The following FSTL4 variants were observed in gnomAD, a reference collection of about 807,000 sequenced individuals.
The protein encoded by FSTL4 is follistatin-related protein 4.
Under a neutral mutation model 78.2 loss-of-function variants are expected in FSTL4, and 28 were observed. That is an observed-to-expected ratio of 0.36 (90% CI 0.27 to 0.49). The LOEUF is 0.49. Among genes scored for constraint, FSTL4 ranks in the 20% least tolerant of loss-of-function variants. FSTL4 has a pLI of 0.98. For synonymous variants in FSTL4, 422 were observed against 440.5 expected (o/e 0.96, Z 0.53); for missense variants, 922 against 1,084.9 (o/e 0.85, Z 2.11).
chr5:133,440,730 C>CCTAG lies in FSTL4; in HGVS notation c.161-39748_161-39745dup, dbSNP rs1375143717. Among the ~76,000 whole-genome samples, 1 of 152,174 alleles carries CCTAG rather than the reference C, an allele frequency of 6.6e-6. No individual in the cohort carries two copies. The highest frequency in any genetic ancestry group is 6.5e-5 in the Admixed American group (1 of 15,288). On this transcript the variant is annotated intron_variant, in intron 3 of 15. Coordinates refer to ENST00000265342, the MANE Select transcript of FSTL4 (RefSeq NM_015082.2). This position sits in a 1 kb window ranked among gnomAD's most constrained non-coding sequence, Gnocchi z 4.1. ...AGAAGACAGTGGAGACTGCAAGAGG[C>CCTAG]CTAGCCCAGACACAGCGTGGAAGAC...
chr5:133,695,524 T>C, the FSTL4 span, among the ~76,000 whole-genome samples: 3 of 152,106 alleles, frequency 2.0e-5, no homozygotes, highest in African/African-American at 7.2e-5. Context: ...AGCAGTCCCC[T>C]CCCCAAGGAC....
Position 133,331,930 on chromosome 5 carries a change from G to A in FSTL4, c.410-15278C>T, listed in dbSNP as rs116522189. ...TCAAAATGTGGGCAGCCCGTGGAGGGAGCTGCAGAAACCCTCATTTCTGTG... is the reference window on the plus strand; with the variant it reads ...TCAAAATGTGGGCAGCCCGTGGAGGAAGCTGCAGAAACCCTCATTTCTGTG... On this transcript the variant is annotated intron_variant, in intron 4 of 15. Coordinates refer to ENST00000265342, the MANE Select transcript of FSTL4 (RefSeq NM_015082.2). Among the ~76,000 whole-genome samples the A allele has an allele frequency of 6.3e-3, 954 of 152,298 alleles. 10 individuals are homozygous for A. Among genetic ancestry groups the A allele is most frequent in the African/African-American group, 0.022 (905 of 41,570 alleles).
At chr5:133,367,956 C>A (rs989478909) in intron 4 of FSTL4, among the ~76,000 whole-genome samples, 1 of 152,246 alleles carries the variant, frequency 6.6e-6, no homozygotes, top group Non-Finnish European at 1.5e-5. Flanking sequence ...ATCCAACAGG[C>A]AGGATCAAGA....
At chr5:133,578,087 G>A (rs1230243356) in intron 2 of FSTL4, among the ~76,000 whole-genome samples, 1 of 152,182 alleles carries the variant, frequency 6.6e-6, no homozygotes, top group African/African-American at 2.4e-5. Flanking sequence ...AAGCCAGAGA[G>A]TTTAAAGGGA....
At chr5:133,736,663 G>A in the FSTL4 span, among the ~76,000 whole-genome samples, 1 of 152,148 alleles carries the variant, frequency 6.6e-6, no homozygotes, top group Non-Finnish European at 1.5e-5. Flanking sequence ...GGAGAGAGAA[G>A]TGAGGGAGCA....
At chr5:133,204,401 TTGCAAATACAAACAA>T (rs1273731483) in intron 14 of FSTL4, among the ~76,000 whole-genome samples, 2 of 152,224 alleles carry the variant, frequency 1.3e-5, no homozygotes, top group Non-Finnish European at 2.9e-5. Context: ...TTTTAATCTC[TTGCAAATACAAACAA>T]TGCAGTAACA....
chr5:133,447,776 G>A (rs976945570), intron 3 of FSTL4, among the ~76,000 whole-genome samples: 18 of 152,212 alleles, frequency 1.2e-4, no homozygotes, highest in African/African-American at 4.1e-4. Context: ...CTGACCTCAA[G>A]TGATCTGTCT....
At chr5:133,756,145 T>A in the FSTL4 span, among the ~76,000 whole-genome samples, 1 of 151,270 alleles carries the variant, frequency 6.6e-6, no homozygotes, top group Non-Finnish European at 1.5e-5. Flanking sequence ...GAGAAAGTGG[T>A]GTTTGGGAGG....
intron 6 of FSTL4, among the ~76,000 whole-genome samples, chr5:133,286,076 G>A (rs926052977): frequency 6.6e-6 from 1 of 152,214 alleles, no homozygotes; most frequent in Non-Finnish European, 1.5e-5. Context: ...GTGTGTGTGT[G>A]ACATGGTCAC....
chr5:133,328,277 A>C lies in FSTL4; in HGVS notation c.410-11625T>G, dbSNP rs571370038. Among the ~76,000 whole-genome samples the C allele has an allele frequency of 1.4e-4, 22 of 152,348 alleles. No individual in the cohort carries two copies. In the South Asian group the frequency reaches 4.6e-3, roughly 32 times the overall value. ...TCATCTCAATTTGCACCCCAGCATCAGGTCATTTAAATTAACAAAACCACC... is the reference window on the plus strand; with the variant it reads ...TCATCTCAATTTGCACCCCAGCATCCGGTCATTTAAATTAACAAAACCACC... On this transcript the variant is annotated intron_variant, in intron 4 of 15. Coordinates refer to ENST00000265342, the MANE Select transcript of FSTL4 (RefSeq NM_015082.2).
chr5:133,837,509 T>C, the FSTL4 span, among the ~76,000 whole-genome samples: 2 of 152,362 alleles, frequency 1.3e-5, no homozygotes, highest in South Asian at 4.1e-4. Flanking sequence ...TTCTGGATGA[T>C]GTGGCCTCAT....
At chr5:133,671,571 C>T in the FSTL4 span, among the ~76,000 whole-genome samples, 1 of 152,196 alleles carries the variant, frequency 6.6e-6, no homozygotes, top group Non-Finnish European at 1.5e-5. Flanking sequence ...GGTACACTCG[C>T]CAGCAGTTTT....
chr5:133,223,070 T>C (rs942566057), intron 11 of FSTL4, among the ~76,000 whole-genome samples: 2 of 152,146 alleles, frequency 1.3e-5, no homozygotes, highest in Admixed American at 6.5e-5. Flanking sequence ...TCGTGGTAGG[T>C]CTCTACTTCT....
At chr5:133,446,271 C>T (rs1757263245) in intron 3 of FSTL4, among the ~76,000 whole-genome samples, 1 of 152,208 alleles carries the variant, frequency 6.6e-6, no homozygotes, top group South Asian at 2.1e-4. Context: ...GAAACCCTGT[C>T]TCTACTAAAA....
the FSTL4 span, among the ~76,000 whole-genome samples, chr5:133,754,702 T>C: frequency 2.6e-5 from 4 of 152,140 alleles, no homozygotes; most frequent in Admixed American, 6.5e-5. Context: ...TCAAAATACC[T>C]GTCAGGTCCA....
chr5:133,272,351 A>G (rs890616908), intron 6 of FSTL4, among the ~76,000 whole-genome samples: 1 of 152,248 alleles, frequency 6.6e-6, no homozygotes, highest in African/African-American at 2.4e-5. Flanking sequence ...GTCTGTGGAA[A>G]AAGCAGTTTG....
At chr5:133,448,410 G>A (rs80168667) in intron 3 of FSTL4, among the ~76,000 whole-genome samples, 1 of 152,340 alleles carries the variant, frequency 6.6e-6, no homozygotes, top group East Asian at 1.9e-4. Context: ...GAGTGCAGGT[G>A]TGTGGACGGC....
intron 11 of FSTL4, among the ~76,000 whole-genome samples, chr5:133,223,539 G>A (rs1751226554): frequency 6.6e-6 from 1 of 152,098 alleles, no homozygotes; most frequent in Non-Finnish European, 1.5e-5. Context: ...TGGGGACTGG[G>A]ACCCGGGCAT....
chr5:133,377,367 G>A (rs1755460004), intron 4 of FSTL4, among the ~76,000 whole-genome samples: 1 of 152,248 alleles, frequency 6.6e-6, no homozygotes, highest in African/African-American at 2.4e-5. Flanking sequence ...CATTCTAAGA[G>A]AACTGGGCCA....
Sources: gnomAD v4.1 joint callset for allele counts (sites outside exome capture counted in the v4.1 genomes callset) on GRCh38, gnomAD v4.1.1 for gene constraint, Gnocchi (gnomAD v3.1) non-coding constraint, MANE v1.5 for transcripts, NCBI Gene and HGNC (gene_info 2026-07-23, HGNC 2026-07-21) for gene names.